Variants in PUS7 observed in about 807,000 individuals in gnomAD.
PUS7 encodes pseudouridylate synthase 7 homolog.
Under a neutral mutation model 79.8 loss-of-function variants are expected in PUS7, and 48 were observed. That is an observed-to-expected ratio of 0.60 (90% confidence interval 0.48 to 0.76). The LOEUF (loss-of-function observed/expected upper bound fraction) is 0.76, where lower values mean the gene tolerates loss of function less well. Among genes scored for constraint, PUS7 ranks in the 30% least tolerant of loss-of-function variants. PUS7 has a pLI of 0.00. For missense variants in PUS7, 729 were observed against 797.6 expected (o/e 0.91, Z 1.04); for synonymous variants, 286 against 272.2 (o/e 1.05, Z -0.50).
Position 105,491,573 on chromosome 7 carries a change from CT to C in PUS7, c.886del (p.Arg296GlyfsTer3). On this transcript the variant is annotated frameshift_variant, in exon 7 of 16. Transcript: ENST00000469408. LOFTEE classifies it high-confidence loss of function. The part of the protein sequence containing the change: ...IFSYMGTKDK[R>X]AITVQEIAVL... ...AGCAATTTCTTGAACTGTTATAGCC[CT>C]TTTATCTTTGGTTCCCATGTAGGAG... 1.2e-6 allele frequency: 2 copies of C among 1,602,672 alleles called. No homozygotes were observed. Among genetic ancestry groups the C allele is most frequent in the Non-Finnish European group, 1.7e-6 (2 of 1,169,956 alleles).
At chr7:105,490,133 G>A (rs539577471) in intron 7 of PUS7, among the ~76,000 whole-genome samples, 10 of 149,866 alleles carry the variant, frequency 6.7e-5, no homozygotes, top group Middle Eastern at 3.5e-3. Flanking sequence ...AAAAAAATCC[G>A]AGAAACCAAA....
chr7:105,474,432 G>C (rs1358172316), intron 9 of PUS7, among the ~76,000 whole-genome samples: 2 of 151,974 alleles, frequency 1.3e-5, no homozygotes, highest in African/African-American at 4.8e-5. Flanking sequence ...TGGTACTAGG[G>C]ACTGATCTGA....
intron 6 of PUS7, among the ~76,000 whole-genome samples, chr7:105,493,239 T>C (rs1022250703): frequency 6.6e-6 from 1 of 152,252 alleles, no homozygotes; most frequent in African/African-American, 2.4e-5. Flanking sequence ...AACTGGGATC[T>C]GAATAGTTTT....
At chr7:105,459,121 C>T in intron 15 of PUS7, 47 bp downstream of exon 15, 3 of 1,249,276 alleles carry the variant, frequency 2.4e-6, no homozygotes, top group Non-Finnish European at 3.3e-6. Context: ...TTTTGTTTAA[C>T]AAAACATTTC....
At chr7:105,510,416 G>A (rs997972391) in intron 1 of PUS7, among the ~76,000 whole-genome samples, 2 of 152,020 alleles carry the variant, frequency 1.3e-5, no homozygotes, top group Non-Finnish European at 2.9e-5. Context: ...TCATACAGGT[G>A]GTATATAGTT....
chr7:105,466,316 G>A (rs771623666), intron 12 of PUS7, among the ~76,000 whole-genome samples: 1 of 152,068 alleles, frequency 6.6e-6, no homozygotes, highest in African/African-American at 2.4e-5. Flanking sequence ...AGAGTGCAGT[G>A]GTGTGATTAA....
intron 9 of PUS7, among the ~76,000 whole-genome samples, chr7:105,475,729 T>C (rs1029183254): frequency 2.0e-5 from 3 of 152,334 alleles, no homozygotes; most frequent in East Asian, 3.9e-4. Flanking sequence ...TTTTTAAGTA[T>C]ACAGTTCTGT....
At chr7:105,463,172 C>T (rs752264531) in intron 13 of PUS7, among the ~76,000 whole-genome samples, 2 of 152,194 alleles carry the variant, frequency 1.3e-5, no homozygotes, top group African/African-American at 2.4e-5. Context: ...AACCATCTGG[C>T]TCACCCGCGC....
intron 5 of PUS7, chr7:105,496,860 T>C: frequency 1.2e-6 from 1 of 803,326 alleles, no homozygotes; most frequent in Non-Finnish European, 1.6e-6. Flanking sequence ...TCCTTCCAGC[T>C]CACTATCAGT....
At chr7:105,476,153 C>A (rs1824102554) in intron 9 of PUS7, among the ~76,000 whole-genome samples, 1 of 150,200 alleles carries the variant, frequency 6.7e-6, no homozygotes. Context: ...AAAAAAATTC[C>A]TCCTTTGAAA....
intron 14 of PUS7, among the ~76,000 whole-genome samples, chr7:105,459,685 G>A (rs908672278): frequency 3.3e-5 from 5 of 151,842 alleles, no homozygotes; most frequent in Non-Finnish European, 7.4e-5. Flanking sequence ...TGATCCACCC[G>A]CCACAGTCTC....
chr7:105,521,553 G>A (rs780515157), intron 1 of PUS7, among the ~76,000 whole-genome samples: 4 of 152,216 alleles, frequency 2.6e-5, no homozygotes, highest in African/African-American at 4.8e-5. Flanking sequence ...CGCCTAGTAG[G>A]CTCCCAGTGA....
chr7:105,516,141 T>C (rs901093480), intron 1 of PUS7, among the ~76,000 whole-genome samples: 1 of 151,936 alleles, frequency 6.6e-6, no homozygotes, highest in African/African-American at 2.4e-5. Flanking sequence ...TACCAGGTTT[T>C]ACCAGGTTGG....
intron 1 of PUS7, among the ~76,000 whole-genome samples, chr7:105,509,469 A>G (rs1269935548): frequency 6.6e-6 from 1 of 151,958 alleles, no homozygotes; most frequent in Non-Finnish European, 1.5e-5. Flanking sequence ...ATTCATCTCC[A>G]TACTTTTTTC....
chr7:105,506,166 A>C (rs749753230), intron 3 of PUS7, 23 bp downstream of exon 3: 10 of 1,592,908 alleles, frequency 6.3e-6, no homozygotes, highest in Non-Finnish European at 8.6e-6. Flanking sequence ...AGAAGGTGAC[A>C]TTTGCTAAAG....
In PUS7 at chr7:105,470,784, G is replaced by A. The variant is rs1286549665; in HGVS notation, c.1302C>T (p.Ala434=). ...EWAKTKDPTA[A]LRKLPVKRCV... is the part of the protein sequence containing the mutation. The stretch of plus-strand genomic sequence containing the variant: ...ACCTTTTGACAGGTAGTTTTCTGAG[G>A]GCAGCAGTTGGGTCTTTGGTCTTTG... Residue 434 remains alanine, a synonymous_variant, in exon 11 of 16, where the codon GCC becomes GCT. Transcript: ENST00000469408. 2 of 1,612,332 alleles carry A rather than the reference G, an allele frequency of 1.2e-6. No homozygotes were observed. Among genetic ancestry groups the A allele is most frequent in the African/African-American group, 2.7e-5 (2 of 74,880 alleles).
intron 9 of PUS7, among the ~76,000 whole-genome samples, chr7:105,480,729 T>A (rs185025224): frequency 1.3e-4 from 20 of 152,214 alleles, no homozygotes; most frequent in African/African-American, 4.8e-4. Context: ...TGAGCCGAGA[T>A]TGCGCTATTG....
At chr7:105,487,406 G>A (rs1031015702) in intron 7 of PUS7, among the ~76,000 whole-genome samples, 1 of 152,204 alleles carries the variant, frequency 6.6e-6, no homozygotes. Context: ...CATGTTTTAA[G>A]TATATATCAG....
intron 14 of PUS7, among the ~76,000 whole-genome samples, chr7:105,460,190 G>A (rs1443335104): frequency 6.6e-6 from 1 of 151,956 alleles, no homozygotes; most frequent in Non-Finnish European, 1.5e-5. Flanking sequence ...TGCCCGCCTC[G>A]GCCTCCCAAA....
Sources: gnomAD v4.1 joint callset for allele counts (sites outside exome capture counted in the v4.1 genomes callset) on GRCh38, gnomAD v4.1.1 for gene constraint, MANE v1.5 for transcripts, NCBI Gene and HGNC (gene_info 2026-07-23, HGNC 2026-07-21) for gene names.